PCDH11Y: variants seen among roughly 807,000 people sequenced by gnomAD.
The protein encoded by PCDH11Y is protocadherin-11 Y-linked.
For missense variants in PCDH11Y, 12 were observed against 224.8 expected, an observed-to-expected ratio of 0.05 and a Z score of 6.05; for synonymous variants, 9 against 83.6, an observed-to-expected ratio of 0.11 and a Z score of 4.87.
intron 2 of PCDH11Y, among the ~76,000 whole-genome samples, chrY:5,237,328 A>G: frequency 3.0e-5 from 1 of 33,419 alleles, no homozygotes; most frequent in East Asian, 7.8e-4. Context: ...CCACTGCAAT[A>G]AAACGAATAT....
intron 1 of PCDH11Y, among the ~76,000 whole-genome samples, chrY:5,027,204 A>G: frequency 3.2e-5 from 1 of 31,582 alleles, no homozygotes; most frequent in Non-Finnish European, 7.6e-5. Flanking sequence ...GAGGAGTTAG[A>G]GGCTTCAGTG....
At chrY:5,510,740 C>A (rs1602936049) in intron 3 of PCDH11Y, among the ~76,000 whole-genome samples, 2 of 30,881 alleles carry the variant, frequency 6.5e-5, no homozygotes, top group East Asian at 1.7e-3. Flanking sequence ...CCTCATATTG[C>A]AGAAATGCCT....
intron 3 of PCDH11Y, among the ~76,000 whole-genome samples, chrY:5,580,704 C>T: frequency 3.0e-5 from 1 of 32,833 alleles, no homozygotes; most frequent in Non-Finnish European, 7.6e-5. Flanking sequence ...TGCTGTTTGT[C>T]AGTGACACTT....
chrY:5,713,640 AC>A (rs2053587905), intron 4 of PCDH11Y, among the ~76,000 whole-genome samples: 2 of 30,279 alleles, frequency 6.6e-5, no homozygotes, highest in South Asian at 1.6e-3. Context: ...CTGTTTTGAG[AC>A]TTTTTTCAGC....
At chrY:5,650,651 G>A in intron 4 of PCDH11Y, among the ~76,000 whole-genome samples, 3 of 33,110 alleles carry the variant, frequency 9.1e-5, no homozygotes, top group Non-Finnish European at 2.2e-4. Context: ...GAATTTATGT[G>A]TTTAATTCAT....
At chrY:5,016,270 G>A in intron 1 of PCDH11Y, among the ~76,000 whole-genome samples, 1 of 33,163 alleles carries the variant, frequency 3.0e-5, no homozygotes, top group Admixed American at 2.8e-4. Flanking sequence ...CCTTTGAAGT[G>A]ACTTGCCCAA....
At chrY:5,301,757 C>T in intron 2 of PCDH11Y, among the ~76,000 whole-genome samples, 4 of 33,105 alleles carry the variant, frequency 1.2e-4, no homozygotes. Context: ...TTTATACTAA[C>T]TTTGAGGACA....
At chrY:5,243,362 G>C in intron 2 of PCDH11Y, among the ~76,000 whole-genome samples, 1 of 32,590 alleles carries the variant, frequency 3.1e-5, no homozygotes. Context: ...CAGTCTCATT[G>C]CCTGTGTTCT....
chrY:5,013,614 G>T, intron 1 of PCDH11Y, among the ~76,000 whole-genome samples: 1 of 32,926 alleles, frequency 3.0e-5, no homozygotes, highest in Non-Finnish European at 7.5e-5. Context: ...GAACTTTAAA[G>T]GAAATGGATT....
intron 2 of PCDH11Y, among the ~76,000 whole-genome samples, chrY:5,400,969 T>A: frequency 6.9e-5 from 1 of 14,595 alleles, no homozygotes; most frequent in Non-Finnish European, 1.5e-4. Context: ...TATTAAATGC[T>A]ACTGAAAGAT....
chrY:5,688,529 G>A, intron 4 of PCDH11Y, among the ~76,000 whole-genome samples: 1 of 32,075 alleles, frequency 3.1e-5, no homozygotes, highest in East Asian at 8.2e-4. Flanking sequence ...GCATGCAGCA[G>A]ACACTGTATT....
In PCDH11Y at chrY:5,022,619, CA is replaced by C. The variant is rs1556394865; in HGVS notation, c.-133-9269del. 3.7e-3 allele frequency among the ~76,000 whole-genome samples: 36 copies of C among 9,803 alleles called. No homozygotes were observed. In the East Asian group the frequency reaches 0.067, roughly 18 times the overall value. The allele number at this position is 9,803 out of a possible 37,273, so 26.3% of individuals were successfully genotyped here. ...TGGGCAACAGAACAAGACCCTGTCT[CA>C]AAAAAAAAAAAAAAAAAGAGTTTAT... On this transcript the variant is annotated intron_variant, in intron 1 of 5. Coordinates refer to the PCDH11Y transcript ENST00000333703.
intron 4 of PCDH11Y, among the ~76,000 whole-genome samples, chrY:5,594,677 C>A: frequency 3.2e-5 from 1 of 31,134 alleles, no homozygotes; most frequent in African/African-American, 1.3e-4. Flanking sequence ...AGTGCAGGAG[C>A]TATGATGTGG....
At chrY:5,244,746 G>C in intron 2 of PCDH11Y, among the ~76,000 whole-genome samples, 1 of 34,273 alleles carries the variant, frequency 2.9e-5, no homozygotes, top group Admixed American at 2.6e-4. Flanking sequence ...CTTCCCGTGG[G>C]AGCGCAGCCA....
intron 2 of PCDH11Y, among the ~76,000 whole-genome samples, chrY:5,386,203 G>C: frequency 3.0e-5 from 1 of 33,486 alleles, no homozygotes; most frequent in Non-Finnish European, 7.4e-5. Context: ...CTAGCTTGGA[G>C]GGTTTCTGCT....
downstream of PCDH11Y, among the ~76,000 whole-genome samples, chrY:5,109,549 G>C (rs2124638731): frequency 3.1e-5 from 1 of 32,118 alleles, no homozygotes; most frequent in Non-Finnish European, 7.6e-5. Flanking sequence ...ATGTATTGAA[G>C]ACTGATTTAT....
intron 2 of PCDH11Y, among the ~76,000 whole-genome samples, chrY:5,429,060 A>G: frequency 3.0e-5 from 1 of 33,551 alleles, no homozygotes; most frequent in Non-Finnish European, 7.4e-5. Context: ...TGAAGTTAAT[A>G]TTACTATGCA....
At chrY:5,142,985 T>C in intron 2 of PCDH11Y, among the ~76,000 whole-genome samples, 1 of 33,217 alleles carries the variant, frequency 3.0e-5, no homozygotes, top group Non-Finnish European at 7.5e-5. Context: ...ATCAGGCTGA[T>C]TTGAAATCAG....
intron 2 of PCDH11Y, among the ~76,000 whole-genome samples, chrY:5,356,601 G>T (rs1255257567): frequency 3.1e-5 from 1 of 32,022 alleles, no homozygotes; most frequent in Non-Finnish European, 7.6e-5. Context: ...TTGTGGCCGG[G>T]GGTAGTGGCT....
Sources: gnomAD v4.1 joint callset for allele counts (sites outside exome capture counted in the v4.1 genomes callset) on GRCh38, gnomAD v4.1.1 for gene constraint, MANE v1.5 for transcripts, NCBI Gene and HGNC (gene_info 2026-07-23, HGNC 2026-07-21) for gene names.